CFTR: variants seen among roughly 807,000 people sequenced by gnomAD.
CFTR encodes cystic fibrosis transmembrane conductance regulator.
Under a neutral mutation model 171.6 loss-of-function variants are expected in CFTR, and 181 were observed. That is an observed-to-expected ratio of 1.05 (90% confidence interval 0.93 to 1.19). The LOEUF (loss-of-function observed/expected upper bound fraction) is 1.19, where lower values mean the gene tolerates loss of function less well. Ranked by LOEUF, CFTR falls within the 50% of genes most tolerant of loss-of-function variation. CFTR has a pLI of 0.00. For synonymous variants in CFTR, 583 were observed against 608.0 expected, an observed-to-expected ratio of 0.96 and a Z score of 0.60; for missense variants, 1,968 against 1,734.7, an observed-to-expected ratio of 1.13 and a Z score of -2.39.
At chr7:117,507,588 A>G (rs762237640) in intron 2 of CFTR, among the ~76,000 whole-genome samples, 2 of 152,104 alleles carry the variant, frequency 1.3e-5, no homozygotes, top group Non-Finnish European at 2.9e-5. Context: ...GAGTAACCAA[A>G]TGTTATGGAT....
intron 4 of CFTR, among the ~76,000 whole-genome samples, chr7:117,533,438 T>C (rs1231540507): frequency 6.6e-6 from 1 of 152,170 alleles, no homozygotes; most frequent in Non-Finnish European, 1.5e-5. Context: ...TTATATTTAG[T>C]TATTTATATA....
intron 3 of CFTR, among the ~76,000 whole-genome samples, chr7:117,514,143 G>A (rs762838483): frequency 5.9e-5 from 9 of 151,968 alleles, no homozygotes; most frequent in Non-Finnish European, 1.2e-4. Flanking sequence ...TTGGAGAGTG[G>A]TATCCATAGG....
At chr7:117,619,092 C>G (rs750012795) in intron 21 of CFTR, among the ~76,000 whole-genome samples, 2 of 152,124 alleles carry the variant, frequency 1.3e-5, no homozygotes, top group African/African-American at 2.4e-5. Context: ...TTTTAAAACT[C>G]CATACCTCAA....
chr7:117,492,414 A>G (rs543263246), intron 1 of CFTR, among the ~76,000 whole-genome samples: 1 of 152,102 alleles, frequency 6.6e-6, no homozygotes, highest in East Asian at 1.9e-4. Flanking sequence ...CCTATTTGCA[A>G]TCAGTGTCAT....
At chr7:117,638,983 T>A (rs184792481) in intron 22 of CFTR, among the ~76,000 whole-genome samples, 1 of 152,236 alleles carries the variant, frequency 6.6e-6, no homozygotes, top group East Asian at 1.9e-4. Context: ...CCAGCTCAGC[T>A]TTAGGCTGCC....
At chr7:117,570,042 G>A (rs920037435) in intron 11 of CFTR, among the ~76,000 whole-genome samples, 2 of 151,690 alleles carry the variant, frequency 1.3e-5, no homozygotes, top group Non-Finnish European at 2.9e-5. Context: ...TGCTTTCATG[G>A]ACCTCTTCAT....
intron 24 of CFTR, among the ~76,000 whole-genome samples, chr7:117,662,969 G>A (rs942507556): frequency 5.3e-5 from 8 of 152,142 alleles, no homozygotes; most frequent in Admixed American, 2.6e-4. Flanking sequence ...CATGACAATA[G>A]GAAGAAATGG....
In CFTR at chr7:117,642,527, C is replaced by G. The variant is rs1800129; in HGVS notation, c.3807C>G (p.Ile1269Met). 3.7e-5 allele frequency: 60 copies of G among 1,613,348 alleles called. No homozygotes were observed. The highest frequency in any genetic ancestry group is 5.1e-5 in the Non-Finnish European group (60 of 1,179,704). ...RLLNTEGEIQ[I>M]DGVSWDSITL... is the part of the protein sequence containing the mutation. ...TGAACACTGAAGGAGAAATCCAGATCGATGGTGTGTCTTGGGATTCAATAA... is the reference window on the plus strand; with the variant it reads ...TGAACACTGAAGGAGAAATCCAGATGGATGGTGTGTCTTGGGATTCAATAA... The change falls in exon 23 of 27, where the codon ATC (isoleucine) becomes ATG (methionine). Residue 1269 changes from isoleucine (I) to methionine (M), a missense_variant. Physicochemically the swap from Ile to Met is conservative, Grantham distance 10 (BLOSUM62 1). Transcript: ENST00000003084.
At chr7:117,652,816 T>C (rs1386688606) in intron 23 of CFTR, 26 bp from the exon 24 acceptor site, 1 of 1,119,754 alleles carries the variant, frequency 8.9e-7, no homozygotes, top group Non-Finnish European at 1.4e-6. Context: ...ATTCATACTT[T>C]CTTCTTCTTT....
chr7:117,540,089 G>GT lies in CFTR; in HGVS notation c.870-5dup, dbSNP rs759762840. ...TAACATCCTGAATTTTATTGTTATT[G>GT]TTTTTTATAGAACAGAACTGAAACT... On this transcript the variant is annotated splice_polypyrimidine_tract_variant and intron_variant, in intron 7 of 26. Coordinates refer to ENST00000003084, the MANE Select transcript of CFTR (RefSeq NM_000492.4). 1.9e-6 allele frequency: 3 copies of GT among 1,608,174 alleles called. No individual in the cohort carries two copies. Among genetic ancestry groups the GT allele is most frequent in the South Asian group, 1.1e-5 (1 of 90,872 alleles).
At chr7:117,613,997 A>ATGTTTTTTT (rs1468130932) in intron 20 of CFTR, among the ~76,000 whole-genome samples, 8 of 132,016 alleles carry the variant, frequency 6.1e-5, no homozygotes, top group African/African-American at 2.4e-4. Context: ...AGGTACAGTA[A>ATGTTTTTTT]TCTTTTTTTT....
Position 117,505,966 on chromosome 7 carries a change from G to C in CFTR, c.164+1603G>C, listed in dbSNP as rs73215906. 6.9e-3 allele frequency among the ~76,000 whole-genome samples: 1,044 copies of C among 152,254 alleles called. 7 individuals carry two copies. Among genetic ancestry groups the C allele is most frequent in the Middle Eastern group, 0.021 (6 of 292 alleles). On this transcript the variant is annotated intron_variant, in intron 2 of 26. Transcript: ENST00000003084. The stretch of plus-strand genomic sequence containing the variant: ...TATTGAACACTTGGTGTGTGCAAAT[G>C]CCATGAGGTAGGGATACTTTGTTTT...
chr7:117,551,289 C>A (rs1469377041), intron 10 of CFTR, among the ~76,000 whole-genome samples: 1 of 152,164 alleles, frequency 6.6e-6, no homozygotes, highest in Non-Finnish European at 1.5e-5. Context: ...ATATGATATA[C>A]TCTTAAGTGA....
chr7:117,548,891 G>C, intron 10 of CFTR, 68 bp downstream of exon 10: 4 of 1,551,452 alleles, frequency 2.6e-6, no homozygotes, highest in Non-Finnish European at 3.5e-6. Flanking sequence ...TTTCTAGTTT[G>C]TAGTGCTGGA....
At position 117,530,082 on chromosome 7, in the gene CFTR, T is replaced by G. The variant is rs1349258271; in HGVS notation, c.274-817T>G. ...GTAATAAATTCGATGGACAATTTGGTTTAGTAGTCGATTGAGGACCCTGAT... is the reference window on the plus strand; with the variant it reads ...GTAATAAATTCGATGGACAATTTGGGTTAGTAGTCGATTGAGGACCCTGAT... On this transcript the variant is annotated intron_variant, in intron 3 of 26. Coordinates refer to ENST00000003084, the MANE Select transcript of CFTR (RefSeq NM_000492.4). Among the ~76,000 whole-genome samples the G allele has an allele frequency of 4.6e-5, 7 of 152,088 alleles. No homozygotes were observed. The East Asian group carries it at 1.4e-3, about 29-fold the overall frequency.
intron 2 of CFTR, 86 bp downstream of exon 2, chr7:117,504,449 T>C: frequency 1.3e-6 from 1 of 774,756 alleles, no homozygotes; most frequent in Non-Finnish European, 2.2e-6. Context: ...ATTATAAGTT[T>C]AATTCTTATA....
intron 18 of CFTR, among the ~76,000 whole-genome samples, chr7:117,610,120 G>A (rs908619858): frequency 6.7e-6 from 1 of 150,036 alleles, no homozygotes; most frequent in Non-Finnish European, 1.5e-5. Flanking sequence ...ATCATTCTCA[G>A]TAAACTATCG....
chr7:117,536,618 G>C lies in CFTR; in HGVS notation c.814G>C (p.Val272Leu). The C allele has an allele frequency of 6.2e-7, 1 of 1,610,980 alleles. No homozygotes were observed. The highest frequency in any genetic ancestry group is 8.5e-7 in the Non-Finnish European group (1 of 1,178,514). Residue 272 changes from valine to leucine, a missense_variant, in exon 7 of 27, where the codon GTT (valine) becomes CTT (leucine). Transcript: ENST00000003084. ...TSEMIENIQS[V>L]KAYCWEEAME... ...AGAAATGATTGAAAATATCCAATCTGTTAAGGCATACTGCTGGGAAGAAGC... is the reference window on the plus strand; with the variant it reads ...AGAAATGATTGAAAATATCCAATCTCTTAAGGCATACTGCTGGGAAGAAGC...
At chr7:117,638,920 A>C (rs759342976) in intron 22 of CFTR, among the ~76,000 whole-genome samples, 1 of 152,154 alleles carries the variant, frequency 6.6e-6, no homozygotes, top group Non-Finnish European at 1.5e-5. Flanking sequence ...TGAATTAAGA[A>C]GTCAACTCAA....
Sources: allele counts gnomAD v4.1 joint callset (sites outside exome capture counted in the v4.1 genomes callset), GRCh38; gene constraint gnomAD v4.1.1; transcripts MANE v1.5; gene names NCBI Gene and HGNC (gene_info 2026-07-23, HGNC 2026-07-21).